The following RGS12 variants were observed in gnomAD, a reference collection of about 807,000 sequenced individuals.
RGS12 encodes the protein regulator of G protein signaling 12.
A neutral mutation model predicts 120.1 loss-of-function variants in RGS12; 66 were observed. That is an observed-to-expected ratio of 0.55 (90% CI 0.45 to 0.67). The LOEUF is 0.67. Ranked by LOEUF, RGS12 falls within the 30% of genes least tolerant of loss-of-function variation. The probability of loss-of-function intolerance (pLI) is 0.00; values close to 1 mark genes in which losing one functional copy is unlikely to be tolerated. For synonymous variants in RGS12, 827 were observed against 804.7 expected (o/e 1.03, Z -0.47); for missense variants, 1,859 against 1,957.7 (o/e 0.95, Z 0.95).
intron 4 of RGS12, chr4:3,407,477 G>C (rs1373943895): frequency 6.6e-6 from 1 of 152,328 alleles, no homozygotes; most frequent in Non-Finnish European, 1.5e-5. Context: ...GGCTCTGCCG[G>C]CTGACCCTGG....
intron 3 of RGS12, among the ~76,000 whole-genome samples, chr4:3,362,709 CTGTGTG>C (rs1560114573): frequency 2.0e-5 from 1 of 50,318 alleles, no homozygotes; most frequent in African/African-American, 8.1e-5. Context: ...GTGTGTGAGG[CTGTGTG>C]AGGGTGAGGG....
At position 3,317,641 on chromosome 4, in the gene RGS12, C is replaced by T; in HGVS notation, c.1471C>T (p.Gln491Ter). 6.3e-7 allele frequency: 1 copy of T among 1,593,980 alleles called. No homozygotes were observed. Among genetic ancestry groups the T allele is most frequent in the Non-Finnish European group, 8.6e-7 (1 of 1,167,804 alleles). ...GAGCCCCCCATTTGAGGCCGCTCAT[C>T]AGACTGACAGGTTCTGGGACCTAAA... ...EGSPPFEAAH[Q>*]TDRFWDLNKH... Residue 491 changes from glutamine to a stop codon, truncating the protein, a stop_gained, in exon 2 of 18, where the codon CAG (glutamine) becomes TAG (stop). Coordinates refer to ENST00000336727, the MANE Select transcript of RGS12 (RefSeq NM_001394154.1). LOFTEE classifies it high-confidence loss of function.
upstream of RGS12, among the ~76,000 whole-genome samples, chr4:3,292,820 T>TCTCATCCCTGCTTCCC (rs1177133188): frequency 6.6e-6 from 1 of 151,868 alleles, no homozygotes; most frequent in Non-Finnish European, 1.5e-5. Flanking sequence ...CCTCGCTTCT[T>TCTCATCCCTGCTTCCC]CTCATCCCTG....
chr4:3,421,931 C>T (rs955094944), intron 10 of RGS12, among the ~76,000 whole-genome samples: 3 of 152,216 alleles, frequency 2.0e-5, no homozygotes, highest in African/African-American at 4.8e-5. Context: ...CTCAGACTAC[C>T]GGAAGGCAGT....
chr4:3,425,363 C>G (rs1723498912), intron 13 of RGS12, 101 bp from the exon 14 acceptor site: 3 of 1,048,174 alleles, frequency 2.9e-6, no homozygotes, highest in South Asian at 2.6e-5. Context: ...CTGCGTGACT[C>G]CATCAAGCCT....
chr4:3,300,528 A>G (rs1723625891), intron 1 of RGS12, among the ~76,000 whole-genome samples: 1 of 152,104 alleles, frequency 6.6e-6, no homozygotes, highest in South Asian at 2.1e-4. Flanking sequence ...GGCACAAATT[A>G]TCACCAGCGA....
chr4:3,362,780 TG>T (rs1473371203), intron 3 of RGS12, among the ~76,000 whole-genome samples: 2 of 140,594 alleles, frequency 1.4e-5, no homozygotes, highest in African/African-American at 5.4e-5. Flanking sequence ...TGAGTTAGGG[TG>T]TGTGTGAGGG....
At chr4:3,351,957 T>C (rs1012116692) in intron 3 of RGS12, among the ~76,000 whole-genome samples, 2 of 152,150 alleles carry the variant, frequency 1.3e-5, no homozygotes, top group African/African-American at 4.8e-5. Context: ...GAATCTTTAT[T>C]TTTGCTCTCA....
chr4:3,329,000 C>T (rs2108727581), intron 2 of RGS12, among the ~76,000 whole-genome samples: 1 of 152,276 alleles, frequency 6.6e-6, no homozygotes. Flanking sequence ...TCACCTTTAA[C>T]TCCAAGGGGA....
chr4:3,318,071 C>T lies in RGS12; in HGVS notation c.1881+20C>T. On this transcript the variant is annotated intron_variant, in intron 2 of 17. Coordinates refer to ENST00000336727, the MANE Select transcript of RGS12 (RefSeq NM_001394154.1). ...AAAAAGGTAAGCCTGCCAGGAGCCA[C>T]TCAGCGCGGAGGCCCGGCCTCCTCA... 1 of 1,577,766 alleles carries T rather than the reference C, an allele frequency of 6.3e-7. No homozygotes were observed. Among genetic ancestry groups the T allele is most frequent in the Non-Finnish European group, 8.6e-7 (1 of 1,160,590 alleles).
chr4:3,404,155 G>A (rs576291734), intron 4 of RGS12, among the ~76,000 whole-genome samples: 1 of 152,068 alleles, frequency 6.6e-6, no homozygotes, highest in Non-Finnish European at 1.5e-5. Flanking sequence ...TATGGTGTAA[G>A]CTCCTTCGTC....
At position 3,414,067 on chromosome 4, in the gene RGS12, C is replaced by A; in HGVS notation, c.2021-5C>A. The A allele has an allele frequency of 1.3e-6, 2 of 1,550,434 alleles. No homozygotes were observed. The highest frequency in any genetic ancestry group is 4.7e-5 in the East Asian group (2 of 42,978). On this transcript the variant is annotated splice_region_variant and splice_polypyrimidine_tract_variant and intron_variant, in intron 4 of 17. Coordinates refer to ENST00000336727, the MANE Select transcript of RGS12 (RefSeq NM_001394154.1). Reference sequence around the variant, plus strand: ...GTGCAGGTGCTGTCTGTGCTGGTCCCGCAGAGTTGACGGGCGCCGACCTGA... The same window carrying A: ...GTGCAGGTGCTGTCTGTGCTGGTCCAGCAGAGTTGACGGGCGCCGACCTGA...
rs1224976841 is a variant in RGS12 at position 3,366,411 on chromosome 4, A to G, written c.1999-20005A>G. 1.3e-5 allele frequency among the ~76,000 whole-genome samples: 2 copies of G among 152,116 alleles called. No individual in the cohort carries two copies. Among genetic ancestry groups the G allele is most frequent in the Non-Finnish European group, 1.5e-5 (1 of 68,002 alleles). On this transcript the variant is annotated intron_variant, in intron 3 of 17. Transcript: ENST00000336727. The surrounding 1 kb of genome is among the most constrained non-coding windows in gnomAD (Gnocchi z 4.0). ...CAGGGTTAAGAGCAGGGAGAGAATCAGGGCCTGTGCTCATATCTGTGAGCT... is the reference window on the plus strand; with the variant it reads ...CAGGGTTAAGAGCAGGGAGAGAATCGGGGCCTGTGCTCATATCTGTGAGCT...
At chr4:3,397,626 T>A (rs1235285674) in intron 4 of RGS12, among the ~76,000 whole-genome samples, 2 of 152,084 alleles carry the variant, frequency 1.3e-5, no homozygotes, top group African/African-American at 4.8e-5. Flanking sequence ...GAGGAGCAGA[T>A]AGGGGGGTGA....
chr4:3,398,328 G>A (rs560794674), intron 4 of RGS12, among the ~76,000 whole-genome samples: 7 of 152,266 alleles, frequency 4.6e-5, no homozygotes, highest in African/African-American at 7.2e-5. Flanking sequence ...TAAAATAAGC[G>A]ATGTTGAACC....
intron 13 of RGS12, among the ~76,000 whole-genome samples, chr4:3,424,236 G>A (rs901786495): frequency 1.3e-5 from 2 of 152,266 alleles, no homozygotes; most frequent in South Asian, 4.1e-4. Context: ...TGGGGGTTCC[G>A]GGCACAGTGT....
chr4:3,414,941 TGTGAGGGGTGTGTGTGAGGGGC>T, intron 6 of RGS12, 97 bp downstream of exon 6: 2 of 784,030 alleles, frequency 2.6e-6, no homozygotes, highest in Non-Finnish European at 4.2e-6. Flanking sequence ...GTGAGGGGCA[TGTGAGGGGTGTGTGTGAGGGGC>T]GTGAGAGGGG....
intron 1 of RGS12, among the ~76,000 whole-genome samples, chr4:3,313,695 C>T (rs951017781): frequency 3.9e-5 from 6 of 152,188 alleles, no homozygotes; most frequent in South Asian, 2.1e-4. Flanking sequence ...TGGAGGTGAC[C>T]GCCTGCCCGT....
intron 3 of RGS12, among the ~76,000 whole-genome samples, chr4:3,358,504 T>C (rs1254604775): frequency 6.6e-6 from 1 of 152,186 alleles, no homozygotes; most frequent in Non-Finnish European, 1.5e-5. Context: ...GTAGTTTCCT[T>C]CTATTTCTGG....
Sources: allele counts gnomAD v4.1 joint callset (sites outside exome capture counted in the v4.1 genomes callset), GRCh38; gene constraint gnomAD v4.1.1; non-coding constraint Gnocchi (gnomAD v3.1); transcripts MANE v1.5; gene names NCBI Gene and HGNC (gene_info 2026-07-23, HGNC 2026-07-21).